CDH26: variants seen among roughly 807,000 people sequenced by gnomAD.
CDH26 encodes the protein cadherin-like protein 26.
Under a neutral mutation model 90.3 loss-of-function variants are expected in CDH26, and 83 were observed. The ratio of observed to expected loss-of-function variants is 0.92; its 90% CI spans 0.77 to 1.10. CDH26 has a LOEUF of 1.10. Ranked by LOEUF, CDH26 falls within the 50% of genes least tolerant of loss-of-function variation. The probability of loss-of-function intolerance (pLI) is 0.00; values close to 1 mark genes in which losing one functional copy is unlikely to be tolerated. For missense variants in CDH26, 1,013 were observed against 1,037.6 expected (o/e 0.98, Z 0.33); for synonymous variants, 397 against 396.3 (o/e 1.00, Z -0.02).
At chr20:59,958,837 G>T (rs1229604942) in intron 1 of CDH26, 42 bp downstream of exon 1, 1 of 1,591,120 alleles carries the variant, frequency 6.3e-7, no homozygotes, top group South Asian at 1.1e-5. Flanking sequence ...GCAGGGAACT[G>T]AAAGCAAAGC....
intron 1 of CDH26, among the ~76,000 whole-genome samples, chr20:59,962,644 G>A (rs2061091892): frequency 6.6e-6 from 1 of 152,178 alleles, no homozygotes; most frequent in Admixed American, 6.5e-5. Context: ...CACAGGTACT[G>A]GGAATTAAGT....
intron 1 of CDH26, among the ~76,000 whole-genome samples, chr20:59,968,201 G>T (rs1201242617): frequency 6.6e-6 from 1 of 151,428 alleles, no homozygotes; most frequent in Non-Finnish European, 1.5e-5. Flanking sequence ...AGGTTCAAGC[G>T]ATTCTCTTGT....
At chr20:59,970,496 T>C (rs947267175) in intron 3 of CDH26, among the ~76,000 whole-genome samples, 2 of 151,888 alleles carry the variant, frequency 1.3e-5, no homozygotes, top group Admixed American at 6.5e-5. Context: ...CTTTTTTTTT[T>C]TTTAAATATT....
In CDH26 at chr20:59,985,018, A is replaced by G; in HGVS notation, c.726A>G (p.Thr242=). 3.1e-6 allele frequency: 5 copies of G among 1,614,112 alleles called. No homozygotes were observed. The highest frequency in any genetic ancestry group is 1.3e-5 in the African/African-American group (1 of 75,040). ...CCACATAGACCGCTCCTCAGTTTAC[A>G]CTGCTAATCAGAGCCAGGGACTGTG... ...CLDYETAPQF[T]LLIRARDCGE... The change falls in exon 7 of 18, where the codon ACA becomes ACG. Residue 242 remains threonine, a synonymous_variant. Transcript: ENST00000348616.
chr20:60,033,689 G>A, exon 9 of CDH26: 1 of 1,300,484 alleles, frequency 7.7e-7, no homozygotes, highest in African/African-American at 1.5e-5. Flanking sequence ...AGAGAGTACG[G>A]TGGAGGGGCA....
At chr20:60,017,270 T>G (rs547978301), downstream of CDH26, among the ~76,000 whole-genome samples, 3 of 152,218 alleles carry the variant, frequency 2.0e-5, no homozygotes, top group South Asian at 4.1e-4. Context: ...TAATTTTTAT[T>G]ATTGATTCAA....
chr20:59,994,737 A>G (rs943358908), intron 11 of CDH26, among the ~76,000 whole-genome samples: 3 of 151,988 alleles, frequency 2.0e-5, no homozygotes, highest in African/African-American at 7.3e-5. Flanking sequence ...GGAGTCCCTG[A>G]GACATATTCT....
chr20:59,977,120 C>A (rs1370363823), intron 4 of CDH26, among the ~76,000 whole-genome samples: 2 of 152,152 alleles, frequency 1.3e-5, no homozygotes, highest in African/African-American at 4.8e-5. Context: ...GGGTGCCTTC[C>A]TCCAGGGCTT....
At chr20:59,968,025 G>GTC (rs777837348) in intron 1 of CDH26, among the ~76,000 whole-genome samples, 1,635 of 57,208 alleles carry the variant, frequency 0.029, 39 homozygotes, top group East Asian at 0.058. Context: ...CTTTCTCTCT[G>GTC]TCTCTCTCTC....
intron 13 of CDH26, 78 bp downstream of exon 13, chr20:59,996,839 C>A: frequency 1.3e-6 from 2 of 1,562,802 alleles, no homozygotes; most frequent in Non-Finnish European, 1.7e-6. Context: ...TTTTTCCCCC[C>A]ATTGTGCCAC....
intron 16 of CDH26, among the ~76,000 whole-genome samples, chr20:60,003,879 G>T (rs1265474711): frequency 6.6e-6 from 1 of 152,178 alleles, no homozygotes; most frequent in African/African-American, 2.4e-5. Context: ...ATAGTGTGGG[G>T]TTAGGACCTG....
intron 4 of CDH26, among the ~76,000 whole-genome samples, chr20:59,980,647 CA>C (rs2061384742): frequency 6.6e-6 from 1 of 152,168 alleles, no homozygotes; most frequent in Non-Finnish European, 1.5e-5. Flanking sequence ...CCTTTGTCAG[CA>C]TATGAAATGG....
At chr20:59,980,447 A>T (rs564531937) in intron 4 of CDH26, among the ~76,000 whole-genome samples, 20 of 152,070 alleles carry the variant, frequency 1.3e-4, no homozygotes, top group Admixed American at 7.2e-4. Context: ...GTTGCCTGCC[A>T]CCATGCCTGG....
At chr20:60,012,426 G>A (rs987058153) in intron 17 of CDH26, 101 bp from the exon 18 acceptor site, 1 of 1,104,922 alleles carries the variant, frequency 9.1e-7, no homozygotes, top group Non-Finnish European at 1.3e-6. Context: ...CCTGAGTGCT[G>A]TTACTACTGC....
At chr20:59,961,404 A>G (rs764223261) in intron 1 of CDH26, among the ~76,000 whole-genome samples, 6 of 152,208 alleles carry the variant, frequency 3.9e-5, no homozygotes, top group Non-Finnish European at 8.8e-5. Context: ...AACATGATTC[A>G]ATAGATGTAA....
At chr20:60,018,699 T>A (rs6123964), downstream of CDH26, among the ~76,000 whole-genome samples, 4 of 139,850 alleles carry the variant, frequency 2.9e-5, no homozygotes, top group African/African-American at 1.1e-4. Flanking sequence ...CCTCTCTTAC[T>A]GCCTTTTTTT....
intron 17 of CDH26, 123 bp from the exon 18 acceptor site, chr20:60,012,404 G>A (rs1021745773): frequency 8.4e-6 from 7 of 829,504 alleles, no homozygotes; most frequent in Non-Finnish European, 1.3e-5. Flanking sequence ...TGTGTCAGCT[G>A]AGGACACGGG....
rs147905426 is a variant in CDH26, at chr20:59,998,627, C to T, written c.2020-959C>T. 1.1e-4 allele frequency among the ~76,000 whole-genome samples: 16 copies of T among 152,312 alleles called. No homozygotes were observed. In the East Asian group the frequency reaches 2.9e-3, roughly 28 times the overall value. On this transcript the variant is annotated intron_variant, in intron 13 of 17. Transcript: ENST00000348616. ...CCATTCACAGCTAAAGGCACATCTCCATTCCTGCTTCAGTATCTTAGGGCT... is the reference window on the plus strand; with the variant it reads ...CCATTCACAGCTAAAGGCACATCTCTATTCCTGCTTCAGTATCTTAGGGCT...
chr20:60,035,060 C>G (rs996688343), downstream of CDH26, among the ~76,000 whole-genome samples: 1 of 152,186 alleles, frequency 6.6e-6, no homozygotes, highest in Non-Finnish European at 1.5e-5. Context: ...TAAACTGAAC[C>G]ACACTTTAAT....
Sources: gnomAD v4.1 joint callset for allele counts (sites outside exome capture counted in the v4.1 genomes callset) on GRCh38, gnomAD v4.1.1 for gene constraint, MANE v1.5 for transcripts, NCBI Gene and HGNC (gene_info 2026-07-23, HGNC 2026-07-21) for gene names.